Variants in GPRC5C observed in about 807,000 individuals in gnomAD.
GPRC5C encodes the protein G protein-coupled receptor class C group 5 member C.
A neutral mutation model predicts 31.4 loss-of-function variants in GPRC5C; 22 were observed. The ratio of observed to expected loss-of-function variants is 0.70; its 90% CI spans 0.50 to 1.00. The LOEUF (loss-of-function observed/expected upper bound fraction) is 1.00. Among genes scored for constraint, GPRC5C ranks in the 50% least tolerant of loss-of-function variants. The probability of loss-of-function intolerance (pLI) is 0.00; values close to 1 mark genes in which losing one functional copy is unlikely to be tolerated. For synonymous variants in GPRC5C, 249 were observed against 257.5 expected, an observed-to-expected ratio of 0.97 and a Z score of 0.32; for missense variants, 557 against 597.2, an observed-to-expected ratio of 0.93 and a Z score of 0.70.
At chr17:74,438,232 TATATATATATATATATATATTTG>T (rs1363502012) in intron 1 of GPRC5C, among the ~76,000 whole-genome samples, 7 of 114,922 alleles carry the variant, frequency 6.1e-5, no homozygotes, top group African/African-American at 3.5e-4. Context: ...TATATATATA[TATATATATATATATATATATTTG>T]TTGTTGTTGT....
At chr17:74,448,708 C>A, downstream of GPRC5C, 1 of 454,988 alleles carries the variant, frequency 2.2e-6, no homozygotes, top group Non-Finnish European at 4.3e-6. Context: ...CCAAGGCTGC[C>A]CTGGAAGGTG....
At chr17:74,445,983 A>AT (rs1454629611) in intron 3 of GPRC5C, 1 of 5,126 alleles carries the variant, frequency 2.0e-4, no homozygotes, top group Non-Finnish European at 5.1e-4. Context: ...ACGTAGTGAG[A>AT]CCCCCCCCCC....
chr17:74,443,534 T>C (rs1175163826), intron 2 of GPRC5C: 1 of 577,524 alleles, frequency 1.7e-6, no homozygotes, highest in Middle Eastern at 2.6e-4. Flanking sequence ...CAGAGCATTT[T>C]CTGAGCTGTT....
intron 2 of GPRC5C, chr17:74,442,927 C>G (rs1178914550): frequency 6.6e-6 from 1 of 152,084 alleles, no homozygotes; most frequent in East Asian, 1.9e-4. Flanking sequence ...GAATGCCGGT[C>G]GGGGCCAAAT....
At chr17:74,446,671 G>A in intron 3 of GPRC5C, 178 bp from the exon 4 acceptor site, 1 of 585,740 alleles carries the variant, frequency 1.7e-6, no homozygotes, top group South Asian at 2.1e-5. Context: ...TGAGATAAGG[G>A]GCTCAGGTCT....
At chr17:74,448,884 G>A (rs931578066), downstream of GPRC5C, 15 of 1,289,766 alleles carry the variant, frequency 1.2e-5, no homozygotes, top group East Asian at 3.3e-4. Flanking sequence ...AGACTCTGAC[G>A]TCCAGCAGCC....
chr17:74,437,689 T>C (rs1247465512), intron 1 of GPRC5C, among the ~76,000 whole-genome samples: 1 of 150,276 alleles, frequency 6.7e-6, no homozygotes, highest in African/African-American at 2.5e-5. Flanking sequence ...ACTGTGGGAT[T>C]TAGGGCTTTT....
chr17:74,433,639 C>T (rs2055388242), intron 1 of GPRC5C: 1 of 1,318,152 alleles, frequency 7.6e-7, no homozygotes, highest in Non-Finnish European at 1.1e-6. Flanking sequence ...ATCGTCTTTC[C>T]CTATAGGCTC....
At chr17:74,433,718 C>T in intron 1 of GPRC5C, 1 of 1,613,360 alleles carries the variant, frequency 6.2e-7, no homozygotes, top group African/African-American at 1.3e-5. Context: ...CTGAAGAGTG[C>T]CCTGGTCACA....
At chr17:74,442,149 C>T (rs939722941) in intron 2 of GPRC5C, among the ~76,000 whole-genome samples, 2 of 152,042 alleles carry the variant, frequency 1.3e-5, no homozygotes, top group African/African-American at 2.4e-5. Flanking sequence ...ATTACAGGCA[C>T]GTGCCACCAC....
At chr17:74,432,412 G>C (rs564045483) in intron 1 of GPRC5C, 91 of 1,198,614 alleles carry the variant, frequency 7.6e-5, no homozygotes, top group Middle Eastern at 3.3e-4. Context: ...AGCCAGGACC[G>C]GGCCTGGCCC....
chr17:74,434,740 T>C (rs556522346), intron 1 of GPRC5C, among the ~76,000 whole-genome samples: 2 of 151,994 alleles, frequency 1.3e-5, no homozygotes, highest in South Asian at 4.1e-4. Context: ...CTGGCCAACA[T>C]AGTGAAACCC....
At position 74,443,910 on chromosome 17, in the gene GPRC5C, C is replaced by T. The variant is rs142708564; in HGVS notation, c.1144C>T (p.Pro382Ser). ...TGAGATGGCCCTGATGCACAAAGTT[C>T]CGGTAAGTGGGTTCCCCAGGTCCCC... ...PTEMALMHKV[P>S]SEGAYDIILP... The change falls in exon 3 of 4, where the codon CCG becomes TCG. Residue 382 changes from proline (P) to serine (S), a missense_variant and splice_region_variant. Physicochemically the swap from Pro to Ser is moderately conservative, Grantham distance 74. Coordinates refer to ENST00000392627, the MANE Select transcript of GPRC5C (RefSeq NM_022036.4). 1 of 1,605,594 alleles carries T rather than the reference C, an allele frequency of 6.2e-7. No homozygotes were observed. Among genetic ancestry groups the T allele is most frequent in the African/African-American group, 1.3e-5 (1 of 74,864 alleles).
intron 1 of GPRC5C, among the ~76,000 whole-genome samples, chr17:74,434,686 G>A (rs940782546): frequency 6.6e-6 from 1 of 152,226 alleles, no homozygotes; most frequent in African/African-American, 2.4e-5. Flanking sequence ...ACTTTGAGAG[G>A]CTGAGGTAGG....
intron 1 of GPRC5C, among the ~76,000 whole-genome samples, chr17:74,434,484 G>T (rs1357861027): frequency 6.6e-6 from 1 of 152,176 alleles, no homozygotes; most frequent in Non-Finnish European, 1.5e-5. Context: ...ACACGGACAT[G>T]ATTTGAACGT....
downstream of GPRC5C, chr17:74,449,248 C>T (rs2055686394): frequency 8.7e-5 from 58 of 665,768 alleles, no homozygotes; most frequent in South Asian, 8.5e-4. Context: ...CTCCTGGGGA[C>T]TGAAACACTA....
downstream of GPRC5C, chr17:74,450,821 C>A: frequency 6.6e-6 from 1 of 152,356 alleles, no homozygotes. Flanking sequence ...TTTTCCTGCC[C>A]TTATCCAAGG....
chr17:74,451,586 G>C (rs947815656), downstream of GPRC5C: 24 of 152,048 alleles, frequency 1.6e-4, no homozygotes, highest in African/African-American at 5.8e-4. Context: ...GTCAAACCGA[G>C]GACTTTGGAC....
chr17:74,435,897 C>T (rs1177501436), intron 1 of GPRC5C, among the ~76,000 whole-genome samples: 3 of 152,212 alleles, frequency 2.0e-5, no homozygotes, highest in Non-Finnish European at 4.4e-5. Context: ...CCCCCACCTC[C>T]GCCATCCAAC....
Sources: gnomAD v4.1 joint callset for allele counts (sites outside exome capture counted in the v4.1 genomes callset) on GRCh38, gnomAD v4.1.1 for gene constraint, MANE v1.5 for transcripts, NCBI Gene and HGNC (gene_info 2026-07-23, HGNC 2026-07-21) for gene names.